Variants in RCAN2 observed in about 807,000 individuals in gnomAD.
The protein encoded by RCAN2 is calcipressin-2.
Under a neutral mutation model 23.6 loss-of-function variants are expected in RCAN2, and 9 were observed. The observed-to-expected ratio is 0.38, with a 90% confidence interval of 0.23 to 0.67. The LOEUF is 0.67. Among genes scored for constraint, RCAN2 ranks in the 30% least tolerant of loss-of-function variants. RCAN2 has a pLI of 0.51. For missense variants in RCAN2, 273 were observed against 302.3 expected (o/e 0.90, Z 0.72); for synonymous variants, 109 against 115.7 (o/e 0.94, Z 0.37).
intron 2 of RCAN2, among the ~76,000 whole-genome samples, chr6:46,275,195 T>C (rs1767654353): frequency 6.6e-6 from 1 of 151,828 alleles, no homozygotes; most frequent in Non-Finnish European, 1.5e-5. Flanking sequence ...TGATCAGGAA[T>C]CATGTGTAAG....
chr6:46,385,483 C>A lies in RCAN2; in HGVS notation c.225+71269G>T, dbSNP rs1274190078. Among the ~76,000 whole-genome samples the A allele has an allele frequency of 2.0e-5, 3 of 152,136 alleles. No individual in the cohort carries two copies. In the East Asian group the frequency reaches 5.8e-4, roughly 29 times the overall value. ...TATTTAATAAATGGTGCTGGGAAAA[C>A]GGGCTAGCCATAAGCAGAAAACCGA... On this transcript the variant is annotated intron_variant, in intron 2 of 4. Transcript: ENST00000371374.
At chr6:46,318,252 C>T (rs1763505085) in intron 2 of RCAN2, among the ~76,000 whole-genome samples, 1 of 152,072 alleles carries the variant, frequency 6.6e-6, no homozygotes, top group Non-Finnish European at 1.5e-5. Flanking sequence ...AGCAAAGTAT[C>T]CTATTGTTGG....
intron 2 of RCAN2, among the ~76,000 whole-genome samples, chr6:46,283,174 C>T (rs1044726411): frequency 1.3e-5 from 2 of 152,090 alleles, no homozygotes; most frequent in African/African-American, 2.4e-5. Flanking sequence ...TCAATCCAGG[C>T]GTGGTGGCTC....
chr6:46,472,232 CA>C (rs1180809515), intron 1 of RCAN2, among the ~76,000 whole-genome samples: 1 of 152,176 alleles, frequency 6.6e-6, no homozygotes, highest in Non-Finnish European at 1.5e-5. Context: ...GGTCATAATT[CA>C]TGATGCTTCC....
intron 2 of RCAN2, chr6:46,438,567 A>T (rs999621576): frequency 6.6e-6 from 1 of 152,464 alleles, no homozygotes; most frequent in South Asian, 2.1e-4. Context: ...AGGTGAGAGG[A>T]GCTGAACAAC....
intron 2 of RCAN2, among the ~76,000 whole-genome samples, chr6:46,407,220 G>A (rs1766429283): frequency 6.6e-6 from 1 of 152,192 alleles, no homozygotes; most frequent in African/African-American, 2.4e-5. Context: ...CACAACACAG[G>A]GAGAGTTCCC....
intron 2 of RCAN2, among the ~76,000 whole-genome samples, chr6:46,296,066 C>CGT (rs60947209): frequency 0.54 from 75,014 of 138,356 alleles, 22,889 homozygotes; most frequent in Non-Finnish European, 0.7. Flanking sequence ...CCAATAGCTT[C>CGT]GTGTGTGTGT....
chr6:46,253,289 A>G (rs1766795520), intron 2 of RCAN2, among the ~76,000 whole-genome samples: 1 of 152,182 alleles, frequency 6.6e-6, no homozygotes, highest in South Asian at 2.1e-4. Context: ...CTCATTCTTT[A>G]TTATTGGGCA....
At chr6:46,453,715 A>G (rs1467884648) in intron 2 of RCAN2, among the ~76,000 whole-genome samples, 1 of 152,254 alleles carries the variant, frequency 6.6e-6, no homozygotes, top group Non-Finnish European at 1.5e-5. Context: ...AATAGAGAAG[A>G]GAATGCTGCA....
intron 2 of RCAN2, among the ~76,000 whole-genome samples, chr6:46,259,946 C>G (rs956979993): frequency 6.6e-6 from 1 of 152,228 alleles, no homozygotes. Context: ...GGCTTCCATG[C>G]TCCTCTCTGG....
chr6:46,427,649 A>G (rs750340320), intron 2 of RCAN2, among the ~76,000 whole-genome samples: 1 of 152,186 alleles, frequency 6.6e-6, no homozygotes, highest in Non-Finnish European at 1.5e-5. Flanking sequence ...TTGCTTTCTG[A>G]CATCCTGCTC....
chr6:46,225,766 CT>C (rs1285643528), intron 4 of RCAN2, among the ~76,000 whole-genome samples: 3 of 152,148 alleles, frequency 2.0e-5, no homozygotes, highest in African/African-American at 7.2e-5. Flanking sequence ...GTTTCTTTTG[CT>C]GTGCAGAAGC....
intron 2 of RCAN2, among the ~76,000 whole-genome samples, chr6:46,253,285 C>T (rs1002687153): frequency 6.6e-6 from 1 of 152,148 alleles, no homozygotes; most frequent in African/African-American, 2.4e-5. Context: ...AAAGCTCATT[C>T]TTTATTATTG....
intron 2 of RCAN2, among the ~76,000 whole-genome samples, chr6:46,406,619 T>C (rs1372740615): frequency 6.6e-6 from 1 of 152,250 alleles, no homozygotes; most frequent in Non-Finnish European, 1.5e-5. Flanking sequence ...TTTTTCTTAA[T>C]GCTTACAAGT....
At chr6:46,280,612 G>C (rs1264485141) in intron 2 of RCAN2, among the ~76,000 whole-genome samples, 1 of 152,154 alleles carries the variant, frequency 6.6e-6, no homozygotes, top group African/African-American at 2.4e-5. Flanking sequence ...TCCCTATAAA[G>C]CTGTATTTTA....
chr6:46,444,182 T>G (rs1338907048), intron 2 of RCAN2, among the ~76,000 whole-genome samples: 1 of 152,154 alleles, frequency 6.6e-6, no homozygotes, highest in African/African-American at 2.4e-5. Context: ...TATTTTACAA[T>G]TTAAGCTCCC....
chr6:46,309,589 T>C (rs1763188291), intron 2 of RCAN2, among the ~76,000 whole-genome samples: 1 of 152,132 alleles, frequency 6.6e-6, no homozygotes, highest in African/African-American at 2.4e-5. Context: ...CTCAAGGTCA[T>C]CCATAGAATG....
intron 2 of RCAN2, among the ~76,000 whole-genome samples, chr6:46,269,625 C>T (rs1014976977): frequency 8.5e-5 from 13 of 152,276 alleles, no homozygotes; most frequent in East Asian, 1.9e-4. Flanking sequence ...TAAGTAAAGA[C>T]GGCTGGAGGA....
chr6:46,473,876 T>C (rs1768636425), intron 1 of RCAN2, among the ~76,000 whole-genome samples: 1 of 152,236 alleles, frequency 6.6e-6, no homozygotes, highest in African/African-American at 2.4e-5. Context: ...GACAGTATTT[T>C]AACTTTTAAG....
Sources: allele counts gnomAD v4.1 joint callset (sites outside exome capture counted in the v4.1 genomes callset), GRCh38; gene constraint gnomAD v4.1.1; transcripts MANE v1.5; gene names NCBI Gene and HGNC (gene_info 2026-07-23, HGNC 2026-07-21).